FANCC: variants seen among roughly 807,000 people sequenced by gnomAD.
FANCC encodes FA complementation group C, also known as Fanconi anemia group C protein.
Under a neutral mutation model 71.3 loss-of-function variants are expected in FANCC, and 55 were observed. That is an observed-to-expected ratio of 0.77 (90% CI 0.62 to 0.97). The LOEUF is 0.97. Among genes scored for constraint, FANCC ranks in the 50% least tolerant of loss-of-function variants. The pLI is 0.00. For synonymous variants in FANCC, 275 were observed against 244.9 expected, an observed-to-expected ratio of 1.12 and a Z score of -1.15; for missense variants, 678 against 670.9, an observed-to-expected ratio of 1.01 and a Z score of -0.12.
In FANCC at chr9:95,117,385, C is replaced by A. The variant is rs772717264; in HGVS notation, c.1002G>T (p.Arg334=). ...AAGGAAAGTAGGTCTTGAGTGCAAA[C>A]CGCAGCTGCCACAGGATGGAAAATC... ...EALEKASKQL[R]FALKTYFPYT... The change falls in exon 11 of 15, where the codon CGG becomes CGT. Residue 334 remains arginine, a synonymous_variant. Coordinates refer to ENST00000289081, the MANE Select transcript of FANCC (RefSeq NM_000136.3). The A allele has an allele frequency of 6.2e-7, 1 of 1,613,182 alleles. No individual in the cohort carries two copies. Among genetic ancestry groups the A allele is most frequent in the Admixed American group, 1.7e-5 (1 of 59,974 alleles).
chr9:95,280,385 C>T (rs1217843774), intron 1 of FANCC, among the ~76,000 whole-genome samples: 1 of 152,070 alleles, frequency 6.6e-6, no homozygotes, highest in Admixed American at 6.6e-5. Context: ...AGAAGATCAA[C>T]AAGAAAACAG....
chr9:95,259,713 A>C (rs756768418), intron 1 of FANCC, among the ~76,000 whole-genome samples: 2 of 152,130 alleles, frequency 1.3e-5, no homozygotes, highest in Non-Finnish European at 2.9e-5. Context: ...AAACTAAAGA[A>C]CTTCTGCACA....
At position 95,231,339 on chromosome 9, in the gene FANCC, G is replaced by C. The variant is rs1015048102; in HGVS notation, c.345+9310C>G. On this transcript the variant is annotated intron_variant, in intron 4 of 14. Transcript: ENST00000289081. The stretch of plus-strand genomic sequence containing the variant: ...AAATGATACATCAAGGTCATACTGA[G>C]ACAGCCAGGTGACAGGGGTCCCTGG... 7.8e-4 allele frequency among the ~76,000 whole-genome samples: 119 copies of C among 152,202 alleles called. 1 individual carries two copies. The highest frequency in any genetic ancestry group is 1.2e-4 in the Non-Finnish European group (8 of 68,044).
intron 3 of FANCC, among the ~76,000 whole-genome samples, chr9:95,245,819 C>T (rs760330252): frequency 1.3e-4 from 19 of 151,532 alleles, no homozygotes; most frequent in Non-Finnish European, 2.2e-4. Context: ...ATCACTTGAA[C>T]CCGGGAGGCA....
chr9:95,148,602 G>T (rs1051797615), intron 7 of FANCC, among the ~76,000 whole-genome samples: 10 of 152,168 alleles, frequency 6.6e-5, no homozygotes, highest in African/African-American at 2.4e-4. Flanking sequence ...CTCCATGGTG[G>T]CAGTAATGAC....
intron 14 of FANCC, among the ~76,000 whole-genome samples, chr9:95,106,362 AAACTC>A (rs2071447724): frequency 6.6e-6 from 1 of 152,238 alleles, no homozygotes; most frequent in Non-Finnish European, 1.5e-5. Flanking sequence ...TCTGAATACT[AAACTC>A]TAATCATATA....
chr9:95,130,415 G>GA (rs1227912276), intron 8 of FANCC, among the ~76,000 whole-genome samples: 1 of 151,978 alleles, frequency 6.6e-6, no homozygotes, highest in Non-Finnish European at 1.5e-5. Flanking sequence ...ATCCCTTTTA[G>GA]AAAAAATAAA....
chr9:95,267,900 C>G (rs1203465666), intron 1 of FANCC, among the ~76,000 whole-genome samples: 3 of 152,210 alleles, frequency 2.0e-5, no homozygotes, highest in African/African-American at 7.2e-5. Context: ...AGATACTAGA[C>G]AGTAGACTGG....
At chr9:95,189,516 G>A (rs184800610) in intron 4 of FANCC, among the ~76,000 whole-genome samples, 3 of 122,802 alleles carry the variant, frequency 2.4e-5, no homozygotes, top group African/African-American at 6.9e-5. Flanking sequence ...TTGCTTGCTC[G>A]CTCATTAGTT....
intron 1 of FANCC, among the ~76,000 whole-genome samples, chr9:95,280,489 G>A (rs1189256037): frequency 1.3e-5 from 2 of 152,054 alleles, no homozygotes; most frequent in Non-Finnish European, 2.9e-5. Context: ...AGATCACATG[G>A]AATATTCTAA....
intron 1 of FANCC, among the ~76,000 whole-genome samples, chr9:95,289,922 G>C (rs570736833): frequency 2.0e-4 from 31 of 152,302 alleles, no homozygotes; most frequent in African/African-American, 7.2e-4. Flanking sequence ...GCCTCCCAAA[G>C]TGCTGGGATT....
intron 4 of FANCC, among the ~76,000 whole-genome samples, chr9:95,177,525 A>C (rs1038697203): frequency 2.0e-4 from 30 of 152,182 alleles, no homozygotes; most frequent in African/African-American, 7.2e-4. Context: ...CGCAACTTTC[A>C]AATTTGATAA....
At chr9:95,315,618 T>C (rs1424058210) in intron 1 of FANCC, among the ~76,000 whole-genome samples, 1 of 152,226 alleles carries the variant, frequency 6.6e-6, no homozygotes, top group Non-Finnish European at 1.5e-5. Flanking sequence ...TTTTTTCACA[T>C]TAAGTCAATC....
At chr9:95,141,678 T>C (rs1828717059) in intron 7 of FANCC, among the ~76,000 whole-genome samples, 1 of 152,216 alleles carries the variant, frequency 6.6e-6, no homozygotes, top group South Asian at 2.1e-4. Flanking sequence ...TAATTCTAGT[T>C]AGGCTCCTTT....
At chr9:95,297,991 A>G (rs1159052935) in intron 1 of FANCC, among the ~76,000 whole-genome samples, 1 of 152,226 alleles carries the variant, frequency 6.6e-6, no homozygotes, top group Non-Finnish European at 1.5e-5. Flanking sequence ...AAGGTAAGTC[A>G]CTGGAGGATT....
chr9:95,114,326 G>A, intron 12 of FANCC: 1 of 399,168 alleles, frequency 2.5e-6, no homozygotes, highest in Non-Finnish European at 4.8e-6. Flanking sequence ...TTTTTCCAAG[G>A]CCTCTTCTTT....
chr9:95,157,357 T>A (rs1830508530), intron 6 of FANCC, among the ~76,000 whole-genome samples: 1 of 152,212 alleles, frequency 6.6e-6, no homozygotes, highest in African/African-American at 2.4e-5. Flanking sequence ...CATAGGGCTT[T>A]AAATAGAGTT....
At chr9:95,293,839 G>C in intron 1 of FANCC, 13 of 1,612,624 alleles carry the variant, frequency 8.1e-6, no homozygotes, top group Non-Finnish European at 1.1e-5. Context: ...GGGATACAAA[G>C]TCCAACGGAT....
At chr9:95,178,282 C>G (rs1163506322) in intron 4 of FANCC, among the ~76,000 whole-genome samples, 2 of 152,228 alleles carry the variant, frequency 1.3e-5, no homozygotes, top group Non-Finnish European at 2.9e-5. Flanking sequence ...TGAATCCCAT[C>G]AAAGCCCACA....
Sources: gnomAD v4.1 joint callset for allele counts (sites outside exome capture counted in the v4.1 genomes callset) on GRCh38, gnomAD v4.1.1 for gene constraint, MANE v1.5 for transcripts, NCBI Gene and HGNC (gene_info 2026-07-23, HGNC 2026-07-21) for gene names.